The following SYT17 variants were observed in gnomAD, a reference collection of about 807,000 sequenced individuals.
The protein encoded by SYT17 is synaptotagmin-17.
Under a neutral mutation model 46.7 loss-of-function variants are expected in SYT17, and 22 were observed. That is an observed-to-expected ratio of 0.47 (90% CI 0.34 to 0.67). SYT17 has a LOEUF of 0.67. Ranked by LOEUF, SYT17 falls within the 30% of genes least tolerant of loss-of-function variation. SYT17 has a pLI of 0.01. For missense variants in SYT17, 519 were observed against 612.8 expected, an observed-to-expected ratio of 0.85 and a Z score of 1.62; for synonymous variants, 251 against 248.4, an observed-to-expected ratio of 1.01 and a Z score of -0.10.
intron 5 of SYT17, among the ~76,000 whole-genome samples, chr16:19,191,022 G>C (rs1176252371): frequency 3.3e-5 from 5 of 151,974 alleles, no homozygotes; most frequent in African/African-American, 9.7e-5. Context: ...ATGTGGTTTG[G>C]GGAAGGAAGA....
At chr16:19,204,879 A>G (rs544988771) in intron 5 of SYT17, among the ~76,000 whole-genome samples, 1 of 152,136 alleles carries the variant, frequency 6.6e-6, no homozygotes, top group South Asian at 2.1e-4. Flanking sequence ...ATTTTGCCCC[A>G]AATTGCTCCT....
At chr16:19,208,247 G>A (rs1036367296) in intron 5 of SYT17, among the ~76,000 whole-genome samples, 5 of 152,132 alleles carry the variant, frequency 3.3e-5, no homozygotes, top group South Asian at 2.1e-4. Context: ...AGAAAATGCC[G>A]CAAACTGGTG....
chr16:19,258,811 T>C lies in SYT17; in HGVS notation c.1229-8069T>C, dbSNP rs553235232. Among the ~76,000 whole-genome samples, 24 of 152,308 alleles carry C rather than the reference T, an allele frequency of 1.6e-4. No individual in the cohort carries two copies. In the East Asian group the frequency reaches 4.1e-3, roughly 26 times the overall value. On this transcript the variant is annotated intron_variant, in intron 7 of 7. Transcript: ENST00000355377. Reference sequence around the variant, plus strand: ...CAGCAGTATCAAGGGTGAGAAACCCTGCTCTGGAGGCTTGATGTGATGATT... The same window carrying C: ...CAGCAGTATCAAGGGTGAGAAACCCCGCTCTGGAGGCTTGATGTGATGATT...
At chr16:19,212,114 A>G (rs1009403887) in intron 5 of SYT17, among the ~76,000 whole-genome samples, 2 of 152,186 alleles carry the variant, frequency 1.3e-5, no homozygotes, top group African/African-American at 4.8e-5. Flanking sequence ...GTCTGGAGAC[A>G]TTCTGAGACT....
intron 5 of SYT17, among the ~76,000 whole-genome samples, chr16:19,188,723 A>G (rs921282656): frequency 6.6e-6 from 1 of 152,172 alleles, no homozygotes; most frequent in Non-Finnish European, 1.5e-5. Context: ...TCAAGGCATT[A>G]GCAGAGTCGT....
intron 7 of SYT17, among the ~76,000 whole-genome samples, chr16:19,229,480 A>G (rs1272532067): frequency 2.0e-5 from 3 of 152,182 alleles, no homozygotes; most frequent in Non-Finnish European, 4.4e-5. Flanking sequence ...ACTATATAGT[A>G]CCAAGGGAGA....
At chr16:19,188,152 T>A (rs367547008) in intron 5 of SYT17, among the ~76,000 whole-genome samples, 4 of 152,066 alleles carry the variant, frequency 2.6e-5, no homozygotes, top group African/African-American at 9.6e-5. Context: ...TACTATGCAG[T>A]CATGAAAAAG....
chr16:19,227,098 A>G (rs1316964743), intron 7 of SYT17, among the ~76,000 whole-genome samples: 1 of 152,086 alleles, frequency 6.6e-6, no homozygotes, highest in Non-Finnish European at 1.5e-5. Context: ...ACAATACAGG[A>G]CACTTCACAG....
intron 7 of SYT17, among the ~76,000 whole-genome samples, chr16:19,255,343 G>A (rs1195616138): frequency 1.3e-5 from 2 of 152,236 alleles, no homozygotes; most frequent in East Asian, 3.9e-4. Flanking sequence ...ATTCTTCACT[G>A]TAGGGCCTGT....
At chr16:19,219,829 T>C (rs1567218233) in intron 5 of SYT17, among the ~76,000 whole-genome samples, 2 of 152,226 alleles carry the variant, frequency 1.3e-5, no homozygotes, top group East Asian at 3.8e-4. Context: ...TCCTGGTACA[T>C]AGTAAACTGT....
At chr16:19,255,568 C>T (rs1445420181) in intron 7 of SYT17, among the ~76,000 whole-genome samples, 1 of 152,040 alleles carries the variant, frequency 6.6e-6, no homozygotes, top group African/African-American at 2.4e-5. Context: ...AGTAAGATTG[C>T]TTGAAGCCAG....
In SYT17 at chr16:19,205,764, G is replaced by A. The variant is rs1009928287; in HGVS notation, c.952-17281G>A. The stretch of plus-strand genomic sequence containing the variant: ...CCCAAAGTGCTGGGATTATGGGCGT[G>A]AGCCACTGCACCCAGCCCCTTGACT... On this transcript the variant is annotated intron_variant, in intron 5 of 7. Coordinates refer to ENST00000355377, the MANE Select transcript of SYT17 (RefSeq NM_016524.4). Among the ~76,000 whole-genome samples the A allele has an allele frequency of 1.3e-4, 20 of 152,346 alleles. 1 individual carries two copies. Among genetic ancestry groups the A allele is most frequent in the African/African-American group, 4.6e-4 (19 of 41,586 alleles).
intron 7 of SYT17, among the ~76,000 whole-genome samples, chr16:19,231,133 G>C (rs1010991935): frequency 6.6e-6 from 1 of 152,138 alleles, no homozygotes; most frequent in African/African-American, 2.4e-5. Context: ...GTTAGAGAAA[G>C]GCCATCTGTC....
intron 7 of SYT17, among the ~76,000 whole-genome samples, chr16:19,239,616 A>G (rs777863776): frequency 7.2e-5 from 11 of 152,206 alleles, no homozygotes; most frequent in South Asian, 2.1e-4. Flanking sequence ...GCACTGCTCC[A>G]AGTATTTCAA....
chr16:19,267,165 C>T lies in SYT17; in HGVS notation c.*89C>T. The T allele has an allele frequency of 2.5e-6, 3 of 1,180,738 alleles. No individual in the cohort carries two copies. The highest frequency in any genetic ancestry group is 2.7e-5 in the Admixed American group (1 of 37,022). 73.1% of individuals were successfully genotyped at this position (1,180,738 alleles called of 1,614,324 possible). On this transcript the variant is annotated 3_prime_UTR_variant, in exon 8 of 8. Transcript: ENST00000355377. ...TCACATACTATTACATCCACACCTGCATACACACTCGCAACATGTCTACAC... is the reference window on the plus strand; with the variant it reads ...TCACATACTATTACATCCACACCTGTATACACACTCGCAACATGTCTACAC...
At chr16:19,252,285 T>C (rs1158440887) in intron 7 of SYT17, among the ~76,000 whole-genome samples, 1 of 143,874 alleles carries the variant, frequency 7.0e-6, no homozygotes, top group Non-Finnish European at 1.5e-5. Context: ...GAAACACATA[T>C]GTTTTTGTTT....
In SYT17 at chr16:19,267,629, T is replaced by G. The variant is rs1348851878; in HGVS notation, c.*553T>G. The G allele has an allele frequency of 6.6e-6, 1 of 152,262 alleles. No individual in the cohort carries two copies. Among genetic ancestry groups the G allele is most frequent in the African/African-American group, 2.4e-5 (1 of 41,464 alleles). The allele number at this position is 152,262 out of a possible 1,614,324, so 9.4% of individuals were successfully genotyped here. A position where few individuals can be genotyped will look rare whatever the true frequency, so the allele number is the denominator to read the frequency against. ...TCTTCTCCGTAGTAAATGTGATAAC[T>G]AGATTATGGGCCATTTGGAGAAACC... On this transcript the variant is annotated 3_prime_UTR_variant, in exon 8 of 8. Coordinates refer to ENST00000355377, the MANE Select transcript of SYT17 (RefSeq NM_016524.4).
intron 5 of SYT17, among the ~76,000 whole-genome samples, chr16:19,221,288 C>T (rs1274467040): frequency 6.6e-6 from 1 of 151,564 alleles, no homozygotes; most frequent in African/African-American, 2.4e-5. Context: ...AGGTGGTGCA[C>T]TGATGGGCCT....
In SYT17 at chr16:19,190,098, C is replaced by T. The variant is rs116669306; in HGVS notation, c.951+5951C>T. Reference sequence around the variant, plus strand: ...TGACATAGACATGAAATTACACTGGCTATTTAGAGAAATTCTGCTCATTGG... The same window carrying T: ...TGACATAGACATGAAATTACACTGGTTATTTAGAGAAATTCTGCTCATTGG... On this transcript the variant is annotated intron_variant, in intron 5 of 7. Transcript: ENST00000355377. Among the ~76,000 whole-genome samples the T allele has an allele frequency of 9.9e-3, 1,515 of 152,294 alleles. 26 individuals carry two copies. Among genetic ancestry groups the T allele is most frequent in the African/African-American group, 0.035 (1,440 of 41,542 alleles).
Sources: gnomAD v4.1 joint callset for allele counts (sites outside exome capture counted in the v4.1 genomes callset) on GRCh38, gnomAD v4.1.1 for gene constraint, MANE v1.5 for transcripts, NCBI Gene and HGNC (gene_info 2026-07-23, HGNC 2026-07-21) for gene names.